The following LRRTM4 variants were observed in gnomAD, a reference collection of about 807,000 sequenced individuals.
LRRTM4 encodes leucine rich repeat transmembrane neuronal 4, also known as leucine-rich repeat transmembrane neuronal protein 4.
LRRTM4 carries 25 observed loss-of-function variants against 47.6 expected under a neutral mutation model. The observed-to-expected ratio is 0.53, with a 90% CI of 0.38 to 0.73. The LOEUF (loss-of-function observed/expected upper bound fraction) is 0.73. LRRTM4 is among the 30% of genes least tolerant of loss of function. The pLI is 0.00. For synonymous variants in LRRTM4, 311 were observed against 269.5 expected (o/e 1.15, Z -1.51); for missense variants, 638 against 713.4 (o/e 0.89, Z 1.20).
At chr2:77,083,783 CTTTT>C (rs386390525) in intron 3 of LRRTM4, among the ~76,000 whole-genome samples, 10 of 52,324 alleles carry the variant, frequency 1.9e-4, no homozygotes, top group Non-Finnish European at 2.1e-4. Context: ...ACTGGACACA[CTTTT>C]TTTTTTTTTT....
intron 3 of LRRTM4, among the ~76,000 whole-genome samples, chr2:77,431,071 T>G (rs1301261548): frequency 1.3e-5 from 2 of 148,882 alleles, no homozygotes; most frequent in Non-Finnish European, 2.9e-5. Context: ...TGCCTAGGAC[T>G]GAGAGTCGCA....
Position 76,913,603 on chromosome 2 carries a change from G to T in LRRTM4, c.1552-164687C>A, listed in dbSNP as rs1008982388. 3.4e-5 allele frequency among the ~76,000 whole-genome samples: 5 copies of T among 145,276 alleles called. No homozygotes were observed. In the East Asian group the frequency reaches 1.1e-3, roughly 31 times the overall value. ...TGCCCAGGCTGGAGTGCAATTGCGC[G>T]ATCTTGGCTCACTGCAACCTCTGCC... On this transcript the variant is annotated intron_variant, in intron 3 of 3. Coordinates refer to ENST00000409884, the MANE Select transcript of LRRTM4 (RefSeq NM_001134745.3).
At chr2:76,759,072 A>G (rs894723714) in intron 3 of LRRTM4, among the ~76,000 whole-genome samples, 8 of 152,174 alleles carry the variant, frequency 5.3e-5, no homozygotes, top group African/African-American at 1.9e-4. Context: ...AACTAAAATC[A>G]TTTAGGTTGT....
chr2:76,845,364 C>A (rs1671808458), intron 3 of LRRTM4, among the ~76,000 whole-genome samples: 1 of 152,044 alleles, frequency 6.6e-6, no homozygotes, highest in African/African-American at 2.4e-5. Context: ...TGGTGGGGAG[C>A]ACCTGTAGTC....
intron 3 of LRRTM4, among the ~76,000 whole-genome samples, chr2:77,159,027 T>C (rs1573020044): frequency 1.3e-5 from 2 of 152,334 alleles, no homozygotes; most frequent in Non-Finnish European, 2.9e-5. Context: ...AACCAGACTT[T>C]ATATCACTGT....
intron 3 of LRRTM4, among the ~76,000 whole-genome samples, chr2:77,477,927 G>T (rs1437604757): frequency 4.0e-5 from 4 of 101,022 alleles, no homozygotes; most frequent in African/African-American, 1.1e-4. Context: ...AAGAAAGAAA[G>T]AAAGAAAGAA....
chr2:77,076,967 T>G (rs981989756), intron 3 of LRRTM4, among the ~76,000 whole-genome samples: 20 of 152,078 alleles, frequency 1.3e-4, no homozygotes, highest in African/African-American at 4.8e-4. Context: ...AACAATAACA[T>G]CAACAACAAT....
intron 3 of LRRTM4, among the ~76,000 whole-genome samples, chr2:76,849,975 C>T (rs1050732279): frequency 6.6e-6 from 1 of 152,072 alleles, no homozygotes; most frequent in Non-Finnish European, 1.5e-5. Flanking sequence ...ATTTCTAGGG[C>T]ATAGGTACTG....
In LRRTM4 at chr2:76,889,633, G is replaced by A. The variant is rs546680298; in HGVS notation, c.1552-140717C>T. Among the ~76,000 whole-genome samples, 12 of 152,068 alleles carry A rather than the reference G, an allele frequency of 7.9e-5. No individual in the cohort carries two copies. The East Asian group carries it at 1.7e-3, about 22-fold the overall frequency. ...CTGATTAAAGCAAAGGGAAAATCAA[G>A]TTAACTGATGATCCAATTAGCAAGA... On this transcript the variant is annotated intron_variant, in intron 3 of 3. Transcript: ENST00000409884.
intron 3 of LRRTM4, among the ~76,000 whole-genome samples, chr2:77,433,092 G>C (rs985759311): frequency 1.3e-5 from 2 of 152,182 alleles, no homozygotes; most frequent in Non-Finnish European, 1.5e-5. Context: ...ACAGCTTTTA[G>C]ACAGTTTTCA....
chr2:77,358,356 G>A (rs1255734099), intron 3 of LRRTM4, among the ~76,000 whole-genome samples: 3 of 152,084 alleles, frequency 2.0e-5, no homozygotes, highest in Non-Finnish European at 4.4e-5. Flanking sequence ...ATCCACTCTT[G>A]CGGGAACTAG....
At chr2:77,488,578 G>C (rs1317453251) in intron 3 of LRRTM4, among the ~76,000 whole-genome samples, 1 of 152,190 alleles carries the variant, frequency 6.6e-6, no homozygotes, top group Non-Finnish European at 1.5e-5. Context: ...ATGACAGAAA[G>C]AGCAATGTGT....
intron 3 of LRRTM4, among the ~76,000 whole-genome samples, chr2:76,946,494 G>C (rs1005533117): frequency 1.3e-5 from 2 of 151,688 alleles, no homozygotes; most frequent in Admixed American, 6.6e-5. Flanking sequence ...TGATGCTATA[G>C]ACTAGATATA....
chr2:77,272,815 C>A (rs1045515793), intron 3 of LRRTM4, among the ~76,000 whole-genome samples: 3 of 152,110 alleles, frequency 2.0e-5, no homozygotes, highest in Non-Finnish European at 4.4e-5. Flanking sequence ...TGATCTCTTG[C>A]ACATACTGGA....
chr2:77,212,572 CTCTA>C (rs922443366), intron 3 of LRRTM4, among the ~76,000 whole-genome samples: 9 of 150,280 alleles, frequency 6.0e-5, no homozygotes, highest in South Asian at 4.2e-4. Flanking sequence ...TATATTCTCT[CTCTA>C]TATATATAGT....
rs1395171258 is a variant in LRRTM4, at chr2:76,846,767, T to C, written c.1552-97851A>G. On this transcript the variant is annotated intron_variant, in intron 3 of 3. Transcript: ENST00000409884. The stretch of plus-strand genomic sequence containing the variant: ...ACTCACATTTCTTTTCCCAACTATA[T>C]ACTAAGAACATCTTTGTATTTAGGA... Among the ~76,000 whole-genome samples the C allele has an allele frequency of 2.0e-5, 3 of 152,204 alleles. No individual in the cohort carries two copies. The East Asian group carries it at 5.8e-4, about 29-fold the overall frequency.
At chr2:77,044,821 A>C (rs1467590636) in intron 3 of LRRTM4, among the ~76,000 whole-genome samples, 2 of 151,736 alleles carry the variant, frequency 1.3e-5, no homozygotes, top group Non-Finnish European at 2.9e-5. Context: ...GTGTGTGTGA[A>C]TATATATGCA....
At chr2:77,235,114 T>G (rs1394013186) in intron 3 of LRRTM4, among the ~76,000 whole-genome samples, 1 of 152,196 alleles carries the variant, frequency 6.6e-6, no homozygotes, top group African/African-American at 2.4e-5. Context: ...TACCACATTT[T>G]CTGTATCCAA....
At chr2:77,507,648 A>C (rs1274287603) in intron 3 of LRRTM4, among the ~76,000 whole-genome samples, 1 of 152,132 alleles carries the variant, frequency 6.6e-6, no homozygotes, top group Non-Finnish European at 1.5e-5. Flanking sequence ...AAAAAGGAAA[A>C]AAGAAAAGAA....
Sources: allele counts gnomAD v4.1 joint callset (sites outside exome capture counted in the v4.1 genomes callset), GRCh38; gene constraint gnomAD v4.1.1; transcripts MANE v1.5; gene names NCBI Gene and HGNC (gene_info 2026-07-23, HGNC 2026-07-21).